Variants in SPOCK1 observed in about 807,000 individuals in gnomAD.
SPOCK1 encodes SPARC (osteonectin), cwcv and kazal like domains proteoglycan 1, also known as testican-1.
Under a neutral mutation model 55.3 loss-of-function variants are expected in SPOCK1, and 23 were observed. The ratio of observed to expected loss-of-function variants is 0.42; its 90% CI spans 0.30 to 0.59. The LOEUF is 0.59. SPOCK1 is among the 20% of genes least tolerant of loss of function. The pLI is 0.22. For missense variants in SPOCK1, 499 were observed against 552.5 expected, an observed-to-expected ratio of 0.90 and a Z score of 0.97; for synonymous variants, 226 against 221.0, an observed-to-expected ratio of 1.02 and a Z score of -0.20.
At chr5:137,141,085 A>G (rs1424145578) in intron 3 of SPOCK1, among the ~76,000 whole-genome samples, 1 of 152,190 alleles carries the variant, frequency 6.6e-6, no homozygotes, top group Non-Finnish European at 1.5e-5. Flanking sequence ...ACTTAAATAA[A>G]CAGATAGGAA....
At chr5:136,997,232 A>T (rs1410546296) in intron 6 of SPOCK1, among the ~76,000 whole-genome samples, 1 of 152,086 alleles carries the variant, frequency 6.6e-6, no homozygotes. Context: ...GGTACCAGCA[A>T]ATACTCATAT....
chr5:137,255,780 G>A (rs1374174400), intron 3 of SPOCK1, among the ~76,000 whole-genome samples: 1 of 152,200 alleles, frequency 6.6e-6, no homozygotes, highest in Admixed American at 6.5e-5. Flanking sequence ...ACACAACCCT[G>A]GGCAAATTTA....
At chr5:137,359,593 A>G (rs1750896370) in intron 2 of SPOCK1, among the ~76,000 whole-genome samples, 1 of 152,198 alleles carries the variant, frequency 6.6e-6, no homozygotes, top group East Asian at 1.9e-4. Context: ...CATTTTACAA[A>G]GGTAAAGAAA....
intron 3 of SPOCK1, among the ~76,000 whole-genome samples, chr5:137,263,558 A>G (rs761335038): frequency 2.6e-5 from 4 of 152,138 alleles, no homozygotes; most frequent in African/African-American, 7.2e-5. Context: ...TAAGAAACCC[A>G]TTTGCATTGG....
intron 3 of SPOCK1, among the ~76,000 whole-genome samples, chr5:137,236,128 G>A (rs1464330445): frequency 6.6e-6 from 1 of 152,338 alleles, no homozygotes; most frequent in Non-Finnish European, 1.5e-5. Flanking sequence ...TGAGATCCCA[G>A]AATTTTCTGC....
At chr5:137,358,390 A>AAGGAAGGAAGGAAGGAAGG in intron 2 of SPOCK1, among the ~76,000 whole-genome samples, 1 of 116,454 alleles carries the variant, frequency 8.6e-6, no homozygotes, top group East Asian at 3.0e-4. Flanking sequence ...TTCATGACGG[A>AAGGAAGGAAGGAAGGAAGG]AAGGAAGGAA....
chr5:137,104,949 G>A (rs1227436386), intron 5 of SPOCK1, among the ~76,000 whole-genome samples: 2 of 152,144 alleles, frequency 1.3e-5, no homozygotes, highest in East Asian at 1.9e-4. Context: ...GGGAAAAAAT[G>A]TCTTCCACAA....
At chr5:137,217,551 C>T (rs956592976) in intron 3 of SPOCK1, among the ~76,000 whole-genome samples, 12 of 152,198 alleles carry the variant, frequency 7.9e-5, no homozygotes, top group African/African-American at 1.9e-4. Flanking sequence ...GGATGTAACA[C>T]GCCTCTGTGC....
In SPOCK1 at chr5:137,122,344, T is replaced by A. The variant is rs538795475; in HGVS notation, c.348-9783A>T. Reference sequence around the variant, plus strand: ...CAAGGAAAAGTGCCAAGCAGCAGTGTAATTGCAAGCTATTAGGGAAATGTA... The same window carrying A: ...CAAGGAAAAGTGCCAAGCAGCAGTGAAATTGCAAGCTATTAGGGAAATGTA... On this transcript the variant is annotated intron_variant, in intron 4 of 10. Coordinates refer to ENST00000394945, the MANE Select transcript of SPOCK1 (RefSeq NM_004598.4). Among the ~76,000 whole-genome samples, 115 of 152,286 alleles carry A rather than the reference T, an allele frequency of 7.6e-4. 2 individuals carry two copies. The highest frequency in any genetic ancestry group is 6.5e-5 in the Admixed American group (1 of 15,296).
At chr5:137,370,331 T>C (rs1308710965) in intron 2 of SPOCK1, among the ~76,000 whole-genome samples, 2 of 152,176 alleles carry the variant, frequency 1.3e-5, no homozygotes, top group Non-Finnish European at 2.9e-5. Flanking sequence ...CCGAGTCCGG[T>C]GATTTTCCAC....
chr5:137,162,743 A>G (rs1754584407), intron 3 of SPOCK1, among the ~76,000 whole-genome samples: 1 of 152,198 alleles, frequency 6.6e-6, no homozygotes, highest in African/African-American at 2.4e-5. Flanking sequence ...GGGAGAAGCT[A>G]TTGTTTAAAA....
In SPOCK1 at chr5:137,356,875, A is replaced by AGAGAGAGAGAGT. The variant is rs1160198739; in HGVS notation, c.187-89821_187-89820insACTCTCTCTCTC. ...GAGAGAGAGAGAGAGAGAGAGAGAG[A>AGAGAGAGAGAGT]GTATGCAGACCAACCAGGGGGCCAG... On this transcript the variant is annotated intron_variant, in intron 2 of 10. Transcript: ENST00000394945. 2.3e-5 allele frequency among the ~76,000 whole-genome samples: 3 copies of AGAGAGAGAGAGT among 127,720 alleles called. 1 individual carries two copies. The highest frequency in any genetic ancestry group is 9.0e-5 in the African/African-American group (3 of 33,466). 83.8% of individuals were successfully genotyped at this position (127,720 alleles called of 152,430 possible).
At chr5:137,071,733 G>A (rs1038401988) in intron 5 of SPOCK1, among the ~76,000 whole-genome samples, 11 of 152,010 alleles carry the variant, frequency 7.2e-5, no homozygotes, top group Non-Finnish European at 1.3e-4. Context: ...CTGAGCCCAC[G>A]GCCTCCCACA....
chr5:137,140,566 C>A lies in SPOCK1; in HGVS notation c.347+14G>T. ...ATGCCTCCCAGCCCCCAGCCCCCGG[C>A]CTTCCTGCCTTACCTGGGGAGCAGG... On this transcript the variant is annotated intron_variant, in intron 4 of 10. Coordinates refer to ENST00000394945, the MANE Select transcript of SPOCK1 (RefSeq NM_004598.4). The A allele has an allele frequency of 6.2e-7, 1 of 1,607,368 alleles. No homozygotes were observed.
intron 2 of SPOCK1, among the ~76,000 whole-genome samples, chr5:137,335,676 C>T (rs796305213): frequency 5.9e-5 from 9 of 152,320 alleles, no homozygotes; most frequent in African/African-American, 2.2e-4. Context: ...AAGCACACCT[C>T]CCTCCCCTCA....
chr5:137,344,018 C>G (rs951436938), intron 2 of SPOCK1, among the ~76,000 whole-genome samples: 1 of 152,194 alleles, frequency 6.6e-6, no homozygotes, highest in African/African-American at 2.4e-5. Context: ...TGAGTATTGT[C>G]TATAACCTTT....
At chr5:137,302,065 G>T (rs1359151458) in intron 2 of SPOCK1, among the ~76,000 whole-genome samples, 1 of 152,152 alleles carries the variant, frequency 6.6e-6, no homozygotes, top group Non-Finnish European at 1.5e-5. Context: ...TGAACTTACT[G>T]CCAAATAATA....
intron 2 of SPOCK1, among the ~76,000 whole-genome samples, chr5:137,280,400 T>C (rs1757148279): frequency 6.6e-6 from 1 of 152,184 alleles, no homozygotes; most frequent in Non-Finnish European, 1.5e-5. Context: ...AAATGATAAA[T>C]CAAATATGCC....
chr5:137,239,057 G>C (rs773747208), intron 3 of SPOCK1, among the ~76,000 whole-genome samples: 3 of 152,164 alleles, frequency 2.0e-5, no homozygotes, highest in South Asian at 2.1e-4. Flanking sequence ...GATGGGGGCT[G>C]GTTTCCAGAG....
Sources: allele counts gnomAD v4.1 joint callset (sites outside exome capture counted in the v4.1 genomes callset), GRCh38; gene constraint gnomAD v4.1.1; transcripts MANE v1.5; gene names NCBI Gene and HGNC (gene_info 2026-07-23, HGNC 2026-07-21).